CEP55: variants seen among roughly 807,000 people sequenced by gnomAD.
CEP55 encodes the protein centrosomal protein 55, also known as centrosomal protein of 55 kDa.
Under a neutral mutation model 63.2 loss-of-function variants are expected in CEP55, and 57 were observed. The ratio of observed to expected loss-of-function variants is 0.90; its 90% CI spans 0.73 to 1.13. CEP55 has a LOEUF of 1.13. Ranked by LOEUF, CEP55 falls within the 50% of genes most tolerant of loss-of-function variation. The pLI is 0.00. For missense variants in CEP55, 456 were observed against 518.9 expected (o/e 0.88, Z 1.18); for synonymous variants, 178 against 191.6 (o/e 0.93, Z 0.59).
At chr10:93,498,137 C>G (rs1306887352) in intron 1 of CEP55, among the ~76,000 whole-genome samples, 2 of 134,996 alleles carry the variant, frequency 1.5e-5, no homozygotes, top group Non-Finnish European at 3.1e-5. Flanking sequence ...ACGCCCCGCC[C>G]CCGCCAAAAA....
chr10:93,506,872 C>A (rs758409756), intron 3 of CEP55, 116 bp from the exon 4 acceptor site: 5 of 771,186 alleles, frequency 6.5e-6, no homozygotes, highest in African/African-American at 1.7e-5. Flanking sequence ...CCGTGCCCAG[C>A]CTAGATCTGG....
rs74790020 is a variant in CEP55 at position 93,515,619 on chromosome 10, A to G, written c.679+64A>G. On this transcript the variant is annotated intron_variant, in intron 5 of 8. Transcript: ENST00000371485. ...TGACATTTTCCAAAAGGAATGATTC[A>G]TCAAATTTAGATTTTTATAGATATG... 2,093 of 1,449,504 alleles carry G rather than the reference A, an allele frequency of 1.4e-3. 23 individuals carry two copies. In the African/African-American group the frequency reaches 0.026, roughly 18 times the overall value. The allele number at this position is 1,449,504 out of a possible 1,614,324, so 89.8% of individuals were successfully genotyped here. A position where few individuals can be genotyped will look rare whatever the true frequency, so the allele number is the denominator to read the frequency against.
intron 1 of CEP55, among the ~76,000 whole-genome samples, chr10:93,499,559 TCAC>T (rs1258540759): frequency 6.8e-6 from 1 of 146,540 alleles, no homozygotes; most frequent in Non-Finnish European, 1.5e-5. Context: ...TCTTGCTGTG[TCAC>T]CCAGGCTGGA....
rs1030090872 is a variant in CEP55 at position 93,503,319 on chromosome 10, A to G, written c.390A>G (p.Gln130=). ...CTGAAGAGAAAGACGTATTGAAACAACAGTTGTCTGCTGCAACCTCACGAA... is the reference window on the plus strand; with the variant it reads ...CTGAAGAGAAAGACGTATTGAAACAGCAGTTGTCTGCTGCAACCTCACGAA... ...ALSEEKDVLK[Q]QLSAATSRIA... The change falls in exon 3 of 9, where the codon CAA becomes CAG. Residue 130 remains glutamine (Q), a synonymous_variant. Coordinates refer to ENST00000371485, the MANE Select transcript of CEP55 (RefSeq NM_018131.5). The G allele has an allele frequency of 6.2e-6, 10 of 1,614,234 alleles. No individual in the cohort carries two copies. The African/African-American group carries it at 9.3e-5, about 15-fold the overall frequency.
chr10:93,500,914 T>TA (rs2057629167), intron 2 of CEP55, among the ~76,000 whole-genome samples: 1 of 152,154 alleles, frequency 6.6e-6, no homozygotes, highest in South Asian at 2.1e-4. Flanking sequence ...TGTGAACCGC[T>TA]ATGCCTGGCC....
chr10:93,507,877 C>A (rs2057704603), intron 4 of CEP55, among the ~76,000 whole-genome samples: 1 of 152,232 alleles, frequency 6.6e-6, no homozygotes, highest in East Asian at 1.9e-4. Flanking sequence ...GAACTCCCGA[C>A]CTCAGGTGAT....
intron 4 of CEP55, among the ~76,000 whole-genome samples, chr10:93,512,956 C>T (rs1589652859): frequency 6.6e-6 from 1 of 152,202 alleles, no homozygotes; most frequent in African/African-American, 2.4e-5. Context: ...CAAACATACA[C>T]AAAAGTTAAA....
intron 4 of CEP55, among the ~76,000 whole-genome samples, chr10:93,514,357 A>C (rs1255991782): frequency 6.6e-6 from 1 of 152,186 alleles, no homozygotes; most frequent in Admixed American, 6.5e-5. Context: ...GGCAGCTTGG[A>C]GTTTTTAATT....
intron 8 of CEP55, among the ~76,000 whole-genome samples, chr10:93,522,649 G>C (rs929085317): frequency 2.6e-5 from 4 of 152,162 alleles, no homozygotes; most frequent in Non-Finnish European, 5.9e-5. Flanking sequence ...ATTCACCAAA[G>C]TTGAAATGAA....
intron 8 of CEP55, among the ~76,000 whole-genome samples, chr10:93,526,747 T>A (rs978757266): frequency 1.3e-5 from 2 of 152,226 alleles, no homozygotes; most frequent in African/African-American, 4.8e-5. Context: ...TGGAATACTA[T>A]GCAGCCATAA....
Position 93,515,675 on chromosome 10 carries a change from T to C in CEP55, c.679+120T>C, listed in dbSNP as rs147446448. ...GAAAGTAAAATAAGAGCAAGTCTTA[T>C]AGCCCTGAAGTAAGAAATACCATTT... On this transcript the variant is annotated intron_variant, in intron 5 of 8. Transcript: ENST00000371485. The C allele has an allele frequency of 1.0e-4, 103 of 1,033,552 alleles. No homozygotes were observed. In the African/African-American group the frequency reaches 1.3e-3, roughly 13 times the overall value. The allele number at this position is 1,033,552 out of a possible 1,614,324, so 64.0% of individuals were successfully genotyped here.
chr10:93,500,749 C>T (rs17108835), intron 2 of CEP55, among the ~76,000 whole-genome samples: 37,763 of 151,040 alleles, frequency 0.25, 4,943 homozygotes, highest in African/African-American at 0.33. Context: ...TAGAAGCATT[C>T]GATTTTCCAT....
chr10:93,519,991 A>G, intron 8 of CEP55, 184 bp downstream of exon 8: 1 of 642,856 alleles, frequency 1.6e-6, no homozygotes, highest in Non-Finnish European at 2.7e-6. Context: ...TGAAAGAGGG[A>G]CATGATCACA....
chr10:93,514,865 C>T (rs1234064071), intron 4 of CEP55, among the ~76,000 whole-genome samples: 1 of 152,178 alleles, frequency 6.6e-6, no homozygotes, highest in African/African-American at 2.4e-5. Context: ...CTCCACCTCC[C>T]GGGTTCAAGT....
At chr10:93,502,740 G>A (rs956070) in intron 2 of CEP55, among the ~76,000 whole-genome samples, 1 of 152,052 alleles carries the variant, frequency 6.6e-6, no homozygotes, top group Non-Finnish European at 1.5e-5. Context: ...TTGTGTGACC[G>A]ACTTTTAGCT....
At chr10:93,513,821 G>A (rs2057774416) in intron 4 of CEP55, among the ~76,000 whole-genome samples, 2 of 152,074 alleles carry the variant, frequency 1.3e-5, no homozygotes, top group Non-Finnish European at 2.9e-5. Flanking sequence ...TCTTCACATG[G>A]CCTCATTCTC....
intron 8 of CEP55, among the ~76,000 whole-genome samples, chr10:93,520,668 T>C (rs1376258357): frequency 1.3e-5 from 2 of 152,220 alleles, no homozygotes; most frequent in African/African-American, 4.8e-5. Context: ...TTTGAATATA[T>C]GTCTGTCCCA....
chr10:93,526,620 A>C (rs1220054539), intron 8 of CEP55, among the ~76,000 whole-genome samples: 1 of 152,212 alleles, frequency 6.6e-6, no homozygotes, highest in Non-Finnish European at 1.5e-5. Flanking sequence ...TGCTGCTATA[A>C]AGACACATGC....
chr10:93,500,894 G>C (rs952897475), intron 2 of CEP55, among the ~76,000 whole-genome samples: 4 of 152,018 alleles, frequency 2.6e-5, no homozygotes, highest in South Asian at 2.1e-4. Context: ...CAAAGTGCTG[G>C]AATTCCAGGT....
Sources: allele counts gnomAD v4.1 joint callset (sites outside exome capture counted in the v4.1 genomes callset), GRCh38; gene constraint gnomAD v4.1.1; transcripts MANE v1.5; gene names NCBI Gene and HGNC (gene_info 2026-07-23, HGNC 2026-07-21).